The following ZNF518A variants were observed in gnomAD, a reference collection of about 807,000 sequenced individuals.
ZNF518A encodes zinc finger protein 518A, also known as zinc finger protein 518.
ZNF518A carries 47 observed loss-of-function variants against 102.7 expected under a neutral mutation model. The ratio of observed to expected loss-of-function variants is 0.46; its 90% confidence interval spans 0.36 to 0.58. ZNF518A has a LOEUF of 0.58. Among genes scored for constraint, ZNF518A ranks in the 20% least tolerant of loss-of-function variants. ZNF518A has a pLI of 0.00. For missense variants in ZNF518A, 1,793 were observed against 1,699.8 expected (o/e 1.05, Z -0.96); for synonymous variants, 652 against 594.6 (o/e 1.10, Z -1.40).
chr10:96,175,869 C>T (rs587744134), intron 1 of ZNF518A, among the ~76,000 whole-genome samples: 909 of 51,712 alleles, frequency 0.018, 30 homozygotes, highest in African/African-American at 0.038. Context: ...CTCCCTGCCT[C>T]CCTCCCTCCC....
chr10:96,196,373 A>G (rs1180758360), intron 1 of ZNF518A, among the ~76,000 whole-genome samples: 2 of 152,222 alleles, frequency 1.3e-5, no homozygotes, highest in African/African-American at 4.8e-5. Flanking sequence ...TCCAGATTAA[A>G]GAGGCATTAA....
Position 96,189,539 on chromosome 10 carries a change from A to C in ZNF518A, n.36-14035A>C, listed in dbSNP as rs188417199. 46 of 656,162 alleles carry C rather than the reference A, an allele frequency of 7.0e-5. No homozygotes were observed. In the East Asian group the frequency reaches 1.5e-3, roughly 21 times the overall value. The allele number at this position is 656,162 out of a possible 1,614,324, so 40.6% of individuals were successfully genotyped here. A position where few individuals can be genotyped will look rare whatever the true frequency, so the allele number is the denominator to read the frequency against. On this transcript the variant is annotated intron_variant and non_coding_transcript_variant, in intron 1 of 2. Coordinates refer to the ZNF518A transcript ENST00000442635. Reference sequence around the variant, plus strand: ...CAGAACTAGGCCCTTTTGGTGTTTTACGAGTTTTTTCCTGTTTTTTGAAGG... The same window carrying C: ...CAGAACTAGGCCCTTTTGGTGTTTTCCGAGTTTTTTCCTGTTTTTTGAAGG...
At chr10:96,203,846 G>A in intron 2 of ZNF518A, 2 of 410,324 alleles carry the variant, frequency 4.9e-6, no homozygotes, top group Non-Finnish European at 8.8e-6. Flanking sequence ...ACTAAAAAAA[G>A]TAAAAATTGC....
rs782115953 is a variant in ZNF518A at position 96,157,498 on chromosome 10, G to A, written c.1176G>A (p.Lys392=). ...AAGCCCCTGAATCAGAGTCAGAGAA[G>A]CCAACTCCTCTGTCCACTGGGCAAG... The part of the protein sequence containing the change: ...NDKAPESESE[K]PTPLSTGQGN... The change falls in exon 6 of 6, where the codon AAG becomes AAA. Residue 392 remains lysine, a synonymous_variant. Coordinates refer to ENST00000316045, the MANE Select transcript of ZNF518A (RefSeq NM_001330736.2). 61 of 1,613,694 alleles carry A rather than the reference G, an allele frequency of 3.8e-5. No individual in the cohort carries two copies. The South Asian group carries it at 6.4e-4, about 17-fold the overall frequency.
intron 1 of ZNF518A, chr10:96,190,272 C>T: frequency 1.4e-6 from 1 of 703,462 alleles, no homozygotes; most frequent in South Asian, 1.4e-5. Flanking sequence ...GATAAACGAC[C>T]ACTGCTCAAG....
At chr10:96,164,548 T>G (rs782040008), downstream of ZNF518A, among the ~76,000 whole-genome samples, 2 of 152,204 alleles carry the variant, frequency 1.3e-5, no homozygotes, top group Non-Finnish European at 2.9e-5. Flanking sequence ...AACTGGAGAA[T>G]TGAGAAGTAA....
At chr10:96,132,887 T>C (rs2081408394) in intron 2 of ZNF518A, 1 of 152,076 alleles carries the variant, frequency 6.6e-6, no homozygotes, top group Non-Finnish European at 1.5e-5. Context: ...TCAACTGGTA[T>C]AATGCAAATA....
At position 96,156,971 on chromosome 10, in the gene ZNF518A, C is replaced by A; in HGVS notation, c.649C>A (p.Gln217Lys). The change falls in exon 6 of 6, where the codon CAG (glutamine) becomes AAG (lysine). Residue 217 changes from glutamine to lysine, a missense_variant. Gln to Lys is a moderately conservative substitution (Grantham distance 53). Around this residue, in one of 3 missense-constraint regions of ZNF518A, gnomAD observed 1,741 missense variants for 1,622.6 expected, o/e 1.07. Coordinates refer to ENST00000316045, the MANE Select transcript of ZNF518A (RefSeq NM_001330736.2). ...ATGTGAAAAGTGTAAGTTCTCCACC[C>A]AGGATGTTGGCACATTTGTTCAGCA... ...FQCEKCKFSTQDVGTFVQHIH... is the reference protein window; with the variant it reads ...FQCEKCKFSTKDVGTFVQHIH... 6.2e-7 allele frequency: 1 copy of A among 1,613,838 alleles called. No homozygotes were observed. The highest frequency in any genetic ancestry group is 8.5e-7 in the Non-Finnish European group (1 of 1,179,804).
chr10:96,156,457 A>G lies in ZNF518A; in HGVS notation c.135A>G (p.Leu45=). ...PKISGSIHYA[L]KNVKIDLPKI... is the part of the protein sequence containing the mutation. ...TTTCAGGAAGTATTCATTATGCACTAAAAAATGTGAAAATTGATTTGCCAA... is the reference window on the plus strand; with the variant it reads ...TTTCAGGAAGTATTCATTATGCACTGAAAAATGTGAAAATTGATTTGCCAA... The change falls in exon 6 of 6, where the codon CTA becomes CTG. Residue 45 remains leucine (L), a synonymous_variant. Transcript: ENST00000316045. 1 of 1,613,060 alleles carries G rather than the reference A, an allele frequency of 6.2e-7. No individual in the cohort carries two copies. Among genetic ancestry groups the G allele is most frequent in the Middle Eastern group, 1.7e-4 (1 of 6,052 alleles).
At position 96,156,412 on chromosome 10, in the gene ZNF518A, G is replaced by A. The variant is rs1160659742; in HGVS notation, c.90G>A (p.Arg30=). The change falls in exon 6 of 6, where the codon AGG becomes AGA. Residue 30 remains arginine (R), a synonymous_variant. Coordinates refer to ENST00000316045, the MANE Select transcript of ZNF518A (RefSeq NM_001330736.2). ...ATGTGAAAAATGAGATAGTTGATAG[G>A]TCGGCACCTAAACCAAAAATTTCAG... ...DYDVKNEIVD[R]SAPKPKISGS... is the part of the protein sequence containing the mutation. The A allele has an allele frequency of 6.2e-7, 1 of 1,612,162 alleles. No individual in the cohort carries two copies. The highest frequency in any genetic ancestry group is 1.3e-5 in the African/African-American group (1 of 74,804).
chr10:96,159,532 G>T lies in ZNF518A; in HGVS notation c.3210G>T (p.Glu1070Asp). Residue 1070 changes from glutamate to aspartate, a missense_variant, in exon 6 of 6, where the codon GAG (glutamate) becomes GAT (aspartate). Coordinates refer to ENST00000316045, the MANE Select transcript of ZNF518A (RefSeq NM_001330736.2). ...TTCTTATTCCTAACATGCTATCTGA[G>T]CAACAGAGCACTAAGTTGAATATCT... ...KAVLIPNMLS[E>D]QQSTKLNISD... 2 of 1,613,830 alleles carry T rather than the reference G, an allele frequency of 1.2e-6. No homozygotes were observed. The highest frequency in any genetic ancestry group is 1.7e-6 in the Non-Finnish European group (2 of 1,179,788).
At position 96,197,349 on chromosome 10, in the gene ZNF518A, G is replaced by A. The variant is rs369247967; in HGVS notation, n.36-6225G>A. Among the ~76,000 whole-genome samples, 13 of 152,182 alleles carry A rather than the reference G, an allele frequency of 8.5e-5. No individual in the cohort carries two copies. In the East Asian group the frequency reaches 1.5e-3, roughly 18 times the overall value. On this transcript the variant is annotated intron_variant and non_coding_transcript_variant, in intron 1 of 2. Coordinates refer to the ZNF518A transcript ENST00000442635. ...AGAAACAGTCTCACTTTGTTGCCCA[G>A]GCTGGTGTGCAGTGGTGCAATCACA...
chr10:96,191,088 T>C (rs1391306436), intron 1 of ZNF518A, among the ~76,000 whole-genome samples: 4 of 152,140 alleles, frequency 2.6e-5, no homozygotes, highest in African/African-American at 7.2e-5. Flanking sequence ...GTAAGTCTCA[T>C]GAGATCTGAT....
At chr10:96,145,309 A>G (rs1554878107) in intron 3 of ZNF518A, among the ~76,000 whole-genome samples, 1 of 152,060 alleles carries the variant, frequency 6.6e-6, no homozygotes, top group Non-Finnish European at 1.5e-5. Context: ...ACCTCAGGTG[A>G]TCCTCCCACC....
intron 1 of ZNF518A, among the ~76,000 whole-genome samples, chr10:96,185,723 G>A (rs2083267919): frequency 6.6e-6 from 1 of 152,118 alleles, no homozygotes; most frequent in South Asian, 2.1e-4. Flanking sequence ...GGTGTCAGTC[G>A]GCCCCTACTG....
chr10:96,204,079 G>C, exon 3 of ZNF518A: 1 of 1,613,906 alleles, frequency 6.2e-7, no homozygotes. Flanking sequence ...TGGGTTTTTG[G>C]TGGATTTGTC....
intron 3 of ZNF518A, among the ~76,000 whole-genome samples, chr10:96,150,742 C>CTTTTTTT (rs1564759772): frequency 2.1e-4 from 3 of 14,528 alleles, no homozygotes; most frequent in Non-Finnish European, 5.4e-4. Context: ...TTCTTTCTTT[C>CTTTTTTT]CTTTTTTTTT....
intron 1 of ZNF518A, among the ~76,000 whole-genome samples, chr10:96,177,710 A>G (rs2083214039): frequency 6.6e-6 from 1 of 152,136 alleles, no homozygotes; most frequent in South Asian, 2.1e-4. Flanking sequence ...TTAAAACCTC[A>G]AGCCAACAGA....
At chr10:96,180,826 G>A (rs1490852060) in intron 1 of ZNF518A, among the ~76,000 whole-genome samples, 1 of 148,732 alleles carries the variant, frequency 6.7e-6, no homozygotes, top group Non-Finnish European at 1.5e-5. Context: ...TGTCTTTATA[G>A]CAGCATGATT....
Sources: allele counts gnomAD v4.1 joint callset (sites outside exome capture counted in the v4.1 genomes callset), GRCh38; gene constraint gnomAD v4.1.1; regional missense constraint gnomAD v4.1.1; transcripts MANE v1.5; gene names NCBI Gene and HGNC (gene_info 2026-07-23, HGNC 2026-07-21).